The following ZFPM2 variants were observed in gnomAD, a reference collection of about 807,000 sequenced individuals.
ZFPM2 encodes the protein zinc finger protein ZFPM2.
In ZFPM2, 20 loss-of-function variants were observed where a neutral mutation model predicts 98.6. That is an observed-to-expected ratio of 0.20 (90% CI 0.14 to 0.29). The LOEUF is 0.29. ZFPM2 is among the 10% of genes least tolerant of loss of function. The pLI is 1.00. For synonymous variants in ZFPM2, 518 were observed against 502.7 expected (o/e 1.03, Z -0.41); for missense variants, 1,310 against 1,388.6 (o/e 0.94, Z 0.90).
intron 3 of ZFPM2, among the ~76,000 whole-genome samples, chr8:105,470,846 ATTC>A (rs763356105): frequency 3.9e-5 from 6 of 152,052 alleles, no homozygotes; most frequent in Non-Finnish European, 7.4e-5. Context: ...TATGTTCCCT[ATTC>A]TTAATTTTAA....
intron 4 of ZFPM2, among the ~76,000 whole-genome samples, chr8:105,613,185 A>G (rs1816341157): frequency 6.6e-6 from 1 of 152,182 alleles, no homozygotes; most frequent in South Asian, 2.1e-4. Context: ...CAGTTGTTCA[A>G]TACGTCAGCA....
rs757177620 is a variant in ZFPM2, at chr8:105,359,663, C to T, written c.40+40682C>T. ...TGCTGGGATTACAGGCGTGAGCCAC[C>T]GCGCCCGGCCCCACTCTGGGGTATT... On this transcript the variant is annotated intron_variant, in intron 1 of 7. Transcript: ENST00000407775. 1.3e-3 allele frequency among the ~76,000 whole-genome samples: 196 copies of T among 152,216 alleles called. 2 individuals are homozygous for T. The highest frequency in any genetic ancestry group is 1.6e-3 in the Non-Finnish European group (111 of 68,010).
At chr8:105,532,394 T>C (rs1477952197) in intron 3 of ZFPM2, among the ~76,000 whole-genome samples, 1 of 152,184 alleles carries the variant, frequency 6.6e-6, no homozygotes, top group Admixed American at 6.5e-5. Context: ...GAAAATTATT[T>C]GTTTCTGCCA....
intron 5 of ZFPM2, chr8:105,669,889 CTT>C (rs374764455): frequency 1.1e-4 from 16 of 152,180 alleles, no homozygotes; most frequent in Admixed American, 7.2e-4. Context: ...TGAAAAATGA[CTT>C]TACATAAAGT....
intron 5 of ZFPM2, among the ~76,000 whole-genome samples, chr8:105,759,265 C>T (rs1179971885): frequency 2.0e-5 from 3 of 151,998 alleles, no homozygotes; most frequent in Non-Finnish European, 1.5e-5. Flanking sequence ...AAATGGGGCC[C>T]AGGGAAATTA....
At chr8:105,487,183 G>A (rs1813245825) in intron 3 of ZFPM2, among the ~76,000 whole-genome samples, 1 of 152,086 alleles carries the variant, frequency 6.6e-6, no homozygotes, top group Non-Finnish European at 1.5e-5. Context: ...TGCAATCATG[G>A]CTCACTGTAG....
intron 5 of ZFPM2, among the ~76,000 whole-genome samples, chr8:105,708,701 T>A (rs1821468657): frequency 6.6e-6 from 1 of 152,162 alleles, no homozygotes; most frequent in South Asian, 2.1e-4. Flanking sequence ...GCCTCGGCCT[T>A]CCATAGTGCT....
chr8:105,766,056 A>G (rs930575943), intron 5 of ZFPM2, among the ~76,000 whole-genome samples: 4 of 151,880 alleles, frequency 2.6e-5, no homozygotes, highest in East Asian at 1.9e-4. Flanking sequence ...TGAGTGTTGT[A>G]TTTATCTTTA....
chr8:105,551,134 G>A (rs1309407135), intron 3 of ZFPM2, among the ~76,000 whole-genome samples: 1 of 152,064 alleles, frequency 6.6e-6, no homozygotes, highest in Non-Finnish European at 1.5e-5. Flanking sequence ...TCTTTCTATC[G>A]ACTAAGGCAT....
At chr8:105,639,310 A>T (rs1356559765) in intron 5 of ZFPM2, among the ~76,000 whole-genome samples, 1 of 152,054 alleles carries the variant, frequency 6.6e-6, no homozygotes, top group Non-Finnish European at 1.5e-5. Context: ...AGCATCTTTC[A>T]TGTGGGTTTA....
chr8:105,344,919 A>G (rs571342107), intron 1 of ZFPM2, among the ~76,000 whole-genome samples: 2 of 152,162 alleles, frequency 1.3e-5, no homozygotes, highest in Non-Finnish European at 2.9e-5. Context: ...TTAATGTTGA[A>G]TAAGAAATAA....
At chr8:105,701,003 T>C (rs1243346404) in intron 5 of ZFPM2, among the ~76,000 whole-genome samples, 1 of 152,164 alleles carries the variant, frequency 6.6e-6, no homozygotes, top group African/African-American at 2.4e-5. Context: ...GATTTTATGA[T>C]AAATAGTGTG....
intron 1 of ZFPM2, 30 bp from the exon 2 acceptor site, chr8:105,419,114 T>G: frequency 6.3e-7 from 1 of 1,599,170 alleles, no homozygotes; most frequent in Non-Finnish European, 8.5e-7. Flanking sequence ...TTGCATATTT[T>G]TGGTACAGTT....
chr8:105,694,254 G>A (rs879412205), intron 5 of ZFPM2, among the ~76,000 whole-genome samples: 6 of 151,918 alleles, frequency 3.9e-5, no homozygotes, highest in Middle Eastern at 3.4e-3. Context: ...CCAAAGTGCT[G>A]GGATTACAGG....
At chr8:105,522,232 C>A (rs1814078538) in intron 3 of ZFPM2, among the ~76,000 whole-genome samples, 1 of 152,042 alleles carries the variant, frequency 6.6e-6, no homozygotes, top group African/African-American at 2.4e-5. Flanking sequence ...GAAAGTTATC[C>A]TTTTCAAAAA....
At chr8:105,605,895 A>G (rs1439260441) in intron 4 of ZFPM2, among the ~76,000 whole-genome samples, 3 of 152,118 alleles carry the variant, frequency 2.0e-5, no homozygotes, top group Admixed American at 1.3e-4. Context: ...TGTTCTTCCC[A>G]TGAGCTCTTC....
chr8:105,567,280 A>C (rs1349322077), intron 4 of ZFPM2, among the ~76,000 whole-genome samples: 1 of 152,176 alleles, frequency 6.6e-6, no homozygotes, highest in Non-Finnish European at 1.5e-5. Flanking sequence ...CTACCTGAGC[A>C]CTTTTTTCCA....
intron 5 of ZFPM2, among the ~76,000 whole-genome samples, chr8:105,761,168 A>C (rs1812727028): frequency 6.6e-6 from 1 of 152,024 alleles, no homozygotes; most frequent in Non-Finnish European, 1.5e-5. Flanking sequence ...CTGACATCTC[A>C]GTACACAGAT....
chr8:105,763,016 AAAAAAT>A (rs1812767944), intron 5 of ZFPM2, among the ~76,000 whole-genome samples: 1 of 151,512 alleles, frequency 6.6e-6, no homozygotes, highest in Non-Finnish European at 1.5e-5. Flanking sequence ...ATATATAGAG[AAAAAAT>A]AAAAATAACA....
Sources: gnomAD v4.1 joint callset for allele counts (sites outside exome capture counted in the v4.1 genomes callset) on GRCh38, gnomAD v4.1.1 for gene constraint, MANE v1.5 for transcripts, NCBI Gene and HGNC (gene_info 2026-07-23, HGNC 2026-07-21) for gene names.